Variants in CCNY observed in about 807,000 individuals in gnomAD.
CCNY encodes cyclin Y.
In CCNY, 19 loss-of-function variants were observed where a neutral mutation model predicts 42.8. The ratio of observed to expected loss-of-function variants is 0.44; its 90% CI spans 0.31 to 0.65. CCNY has a LOEUF of 0.65. Ranked by LOEUF, CCNY falls within the 30% of genes least tolerant of loss-of-function variation. CCNY has a pLI of 0.07. For synonymous variants in CCNY, 165 were observed against 162.7 expected (o/e 1.01, Z -0.11); for missense variants, 370 against 437.3 (o/e 0.85, Z 1.37).
intron 1 of CCNY, among the ~76,000 whole-genome samples, chr10:35,473,116 C>T (rs1202714444): frequency 6.6e-6 from 1 of 152,214 alleles, no homozygotes; most frequent in Admixed American, 6.5e-5. Context: ...ATATTTTATT[C>T]TTCATTGTTC....
intron 1 of CCNY, among the ~76,000 whole-genome samples, chr10:35,455,664 T>C (rs567029858): frequency 6.6e-6 from 1 of 152,214 alleles, no homozygotes; most frequent in Non-Finnish European, 1.5e-5. Flanking sequence ...TCTCCCCTTT[T>C]CTCTCTGGGT....
intron 7 of CCNY, among the ~76,000 whole-genome samples, chr10:35,540,591 A>G (rs909370651): frequency 1.3e-4 from 20 of 150,616 alleles, no homozygotes; most frequent in Non-Finnish European, 2.6e-4. Context: ...AGTTTGTGGA[A>G]GGTTGGTATT....
At chr10:35,435,218 A>T (rs1363625037) in intron 1 of CCNY, among the ~76,000 whole-genome samples, 1 of 152,350 alleles carries the variant, frequency 6.6e-6, no homozygotes, top group East Asian at 1.9e-4. Context: ...CCAGGTCCCT[A>T]TCTCTGCCAG....
At chr10:35,339,759 T>C (rs192408100) in intron 1 of CCNY, among the ~76,000 whole-genome samples, 2 of 152,306 alleles carry the variant, frequency 1.3e-5, no homozygotes, top group Non-Finnish European at 2.9e-5. Context: ...ACTTGTCCTG[T>C]AGAATTTCAG....
chr10:35,272,539 C>T (rs916857848), intron 3 of CCNY, among the ~76,000 whole-genome samples: 9 of 152,138 alleles, frequency 5.9e-5, no homozygotes, highest in Non-Finnish European at 4.4e-5. Flanking sequence ...TCTGTTCCTG[C>T]GTTAGTTTGC....
chr10:35,399,404 C>T (rs929030755), intron 1 of CCNY, among the ~76,000 whole-genome samples: 5 of 152,080 alleles, frequency 3.3e-5, no homozygotes, highest in Admixed American at 6.5e-5. Context: ...TTTTACTCCA[C>T]CACAGAATTT....
At chr10:35,329,446 A>G (rs757487513) in intron 3 of CCNY, among the ~76,000 whole-genome samples, 86 of 152,340 alleles carry the variant, frequency 5.6e-4, no homozygotes, top group Non-Finnish European at 1.1e-3. Context: ...TCATCCTGAA[A>G]AAGAAACAAA....
intron 1 of CCNY, among the ~76,000 whole-genome samples, chr10:35,444,566 G>A (rs941627305): frequency 2.3e-4 from 35 of 152,134 alleles, no homozygotes; most frequent in African/African-American, 8.0e-4. Flanking sequence ...TTGACTGGCA[G>A]CACAGTAGGT....
Position 35,530,119 on chromosome 10 carries a change from C to T in CCNY, c.460-5C>T. 6.2e-7 allele frequency: 1 copy of T among 1,614,036 alleles called. No individual in the cohort carries two copies. The highest frequency in any genetic ancestry group is 8.5e-7 in the Non-Finnish European group (1 of 1,179,996). ...TCAGTCATCTGAAAATATTTTCTTC[C>T]CCAGAAATCCGAAGTGCCACCAGAT... On this transcript the variant is annotated splice_region_variant and splice_polypyrimidine_tract_variant and intron_variant, in intron 6 of 9. Coordinates refer to ENST00000374704, the MANE Select transcript of CCNY (RefSeq NM_145012.6). The surrounding 1 kb of genome is among the most constrained non-coding windows in gnomAD (Gnocchi z 4.3).
At chr10:35,496,867 G>A (rs961215558) in intron 2 of CCNY, among the ~76,000 whole-genome samples, 1 of 152,186 alleles carries the variant, frequency 6.6e-6, no homozygotes, top group African/African-American at 2.4e-5. Context: ...CAACTTAAGT[G>A]TAATTTTGTT....
intron 1 of CCNY, among the ~76,000 whole-genome samples, chr10:35,462,933 G>T (rs1839187408): frequency 1.3e-5 from 2 of 152,238 alleles, no homozygotes; most frequent in Admixed American, 1.3e-4. Flanking sequence ...AGCTACGTTA[G>T]GCCTTAGTTA....
chr10:35,549,287 G>A (rs561630008), intron 7 of CCNY, among the ~76,000 whole-genome samples: 2 of 152,302 alleles, frequency 1.3e-5, no homozygotes, highest in South Asian at 2.1e-4. Flanking sequence ...CTGTGGTTTA[G>A]GGATGAGGGG....
intron 5 of CCNY, among the ~76,000 whole-genome samples, 174 bp downstream of exon 5, chr10:35,526,173 G>A (rs1325610040): frequency 1.3e-5 from 2 of 152,170 alleles, no homozygotes; most frequent in Non-Finnish European, 2.9e-5. Flanking sequence ...GTGCTGAACT[G>A]CTTTAGAATC....
At chr10:35,329,985 C>A (rs1835923891) in intron 3 of CCNY, among the ~76,000 whole-genome samples, 1 of 152,186 alleles carries the variant, frequency 6.6e-6, no homozygotes, top group South Asian at 2.1e-4. Flanking sequence ...TTGGAGGTTA[C>A]TAACGTGAGA....
At chr10:35,327,014 C>G (rs1275541160) in intron 3 of CCNY, among the ~76,000 whole-genome samples, 1 of 152,188 alleles carries the variant, frequency 6.6e-6, no homozygotes, top group African/African-American at 2.4e-5. Flanking sequence ...GGATTCTACT[C>G]TACAACCTTC....
chr10:35,421,635 C>T (rs1307462055), intron 1 of CCNY, among the ~76,000 whole-genome samples: 2 of 152,158 alleles, frequency 1.3e-5, no homozygotes, highest in East Asian at 3.9e-4. Context: ...TTGCCTGGTG[C>T]TCTTCTAGCT....
chr10:35,310,212 A>G (rs761354000), intron 3 of CCNY, among the ~76,000 whole-genome samples: 3 of 152,220 alleles, frequency 2.0e-5, no homozygotes, highest in Non-Finnish European at 4.4e-5. Flanking sequence ...TTCATTTCAC[A>G]TAATGTCCTC....
At chr10:35,501,954 TCC>T (rs1041722458) in intron 3 of CCNY, among the ~76,000 whole-genome samples, 1 of 152,244 alleles carries the variant, frequency 6.6e-6, no homozygotes, top group Non-Finnish European at 1.5e-5. Flanking sequence ...ACTTGACTCT[TCC>T]CATTTGTTGT....
intron 3 of CCNY, among the ~76,000 whole-genome samples, chr10:35,269,474 T>C (rs956740014): frequency 6.6e-6 from 1 of 151,628 alleles, no homozygotes; most frequent in Non-Finnish European, 1.5e-5. Context: ...TGGCTAAGTT[T>C]TGTATTTTTA....
Sources: allele counts gnomAD v4.1 joint callset (sites outside exome capture counted in the v4.1 genomes callset), GRCh38; gene constraint gnomAD v4.1.1; non-coding constraint Gnocchi (gnomAD v3.1); transcripts MANE v1.5; gene names NCBI Gene and HGNC (gene_info 2026-07-23, HGNC 2026-07-21).